The following CRB2 variants were observed in gnomAD, a reference collection of about 807,000 sequenced individuals.
The protein encoded by CRB2 is crumbs cell polarity complex component 2.
Under a neutral mutation model 110.9 loss-of-function variants are expected in CRB2, and 85 were observed. The ratio of observed to expected loss-of-function variants is 0.77; its 90% CI spans 0.64 to 0.92. The LOEUF (loss-of-function observed/expected upper bound fraction) is 0.92. Ranked by LOEUF, CRB2 falls within the 40% of genes least tolerant of loss-of-function variation. CRB2 has a pLI of 0.00. For synonymous variants in CRB2, 907 were observed against 831.0 expected (o/e 1.09, Z -1.57); for missense variants, 1,843 against 1,851.3 (o/e 1.00, Z 0.08).
Position 123,365,779 on chromosome 9 carries a change from C to A in CRB2, c.419-138C>A, listed in dbSNP as rs571364390. 1,866 of 794,684 alleles carry A rather than the reference C, an allele frequency of 2.3e-3. 11 individuals are homozygous for A. Among genetic ancestry groups the A allele is most frequent in the Middle Eastern group, 0.019 (57 of 3,022 alleles). The allele number at this position is 794,684 out of a possible 1,614,324, so 49.2% of individuals were successfully genotyped here. On this transcript the variant is annotated intron_variant, in intron 2 of 12. Coordinates refer to ENST00000373631, the MANE Select transcript of CRB2 (RefSeq NM_173689.7). ...TTGCTGGCATGACCCGTCCCCCACC[C>A]CCCAACCACCACCACCACCATCCGG... is the stretch of plus-strand genomic sequence containing the variant.
rs770830556 is a variant in CRB2, at chr9:123,373,417, C to T, written c.2886C>T (p.Ala962=). 5 of 1,448,034 alleles carry T rather than the reference C, an allele frequency of 3.5e-6. No homozygotes were observed. Among genetic ancestry groups the T allele is most frequent in the East Asian group, 3.1e-5 (1 of 32,430 alleles). 89.7% of individuals were successfully genotyped at this position (1,448,034 alleles called of 1,614,324 possible). The change falls in exon 10 of 13, where the codon GCC becomes GCT. Residue 962 remains alanine (A), a synonymous_variant. Coordinates refer to ENST00000373631, the MANE Select transcript of CRB2 (RefSeq NM_173689.7). ...GTGCCTGGCACCGCGTGCGTCTGGC[C>T]ATGGAGCGCCCGGCGGCCACCACCT... ...ADGAWHRVRL[A]MERPAATTSR... is the part of the protein sequence containing the mutation.
chr9:123,354,953 G>A (rs890648907), upstream of CRB2, among the ~76,000 whole-genome samples: 1 of 152,192 alleles, frequency 6.6e-6, no homozygotes, highest in Non-Finnish European at 1.5e-5. Flanking sequence ...CTCCCTCAAT[G>A]GCTCCTGCTG....
At chr9:123,361,688 G>GC (rs1294551501) in intron 1 of CRB2, among the ~76,000 whole-genome samples, 2 of 152,182 alleles carry the variant, frequency 1.3e-5, no homozygotes, top group African/African-American at 4.8e-5. Flanking sequence ...ACCAAAAGCA[G>GC]CCCTTGACTG....
At chr9:123,375,640 A>G (rs1013844439) in intron 12 of CRB2, among the ~76,000 whole-genome samples, 11 of 152,154 alleles carry the variant, frequency 7.2e-5, no homozygotes, top group African/African-American at 2.4e-4. Context: ...GTCTCTGCCA[A>G]TCCAACCAGG....
chr9:123,374,826 T>C, intron 11 of CRB2, 131 bp downstream of exon 11: 1 of 647,338 alleles, frequency 1.5e-6, no homozygotes, highest in Non-Finnish European at 2.7e-6. Context: ...CATTGTCACT[T>C]GAGTTTCCTT....
intron 1 of CRB2, among the ~76,000 whole-genome samples, chr9:123,362,375 C>A (rs533894356): frequency 1.3e-5 from 2 of 152,106 alleles, no homozygotes; most frequent in East Asian, 1.9e-4. Flanking sequence ...AGGAGGGAGA[C>A]CCCTCCCCAG....
downstream of CRB2, chr9:123,379,624 C>T (rs1299852009): frequency 2.0e-5 from 3 of 152,276 alleles, no homozygotes; most frequent in Non-Finnish European, 4.4e-5. Flanking sequence ...CCTCCCCGAC[C>T]CAAAAGCTTC....
chr9:123,371,072 A>G lies in CRB2; in HGVS notation c.1930A>G (p.Ile644Val), dbSNP rs1432459587. 1.2e-6 allele frequency: 2 copies of G among 1,611,660 alleles called. No homozygotes were observed. The highest frequency in any genetic ancestry group is 2.2e-5 in the East Asian group (1 of 44,846). Residue 644 changes from isoleucine to valine, a missense_variant and splice_region_variant, in exon 8 of 13, where the codon ATT (isoleucine) becomes GTT (valine). By Grantham distance (29) the Ile-to-Val change is conservative (BLOSUM62 3). Transcript: ENST00000373631. ...PHRGPTCADE[I>V]PAATFGLGGA... Reference sequence around the variant, plus strand: ...CCTGGCACCTTCTCTCCCTGCAGAGATTCCTGCTGCCACCTTTGGCTTGGG... The same window carrying G: ...CCTGGCACCTTCTCTCCCTGCAGAGGTTCCTGCTGCCACCTTTGGCTTGGG...
upstream of CRB2, among the ~76,000 whole-genome samples, chr9:123,354,251 C>A (rs545614388): frequency 2.6e-5 from 4 of 152,222 alleles, no homozygotes; most frequent in African/African-American, 9.6e-5. Context: ...TGGAGTGTGG[C>A]GGCTGCAGGA....
In CRB2 at chr9:123,370,431, G is replaced by A. The variant is rs2041997123; in HGVS notation, c.1378G>A (p.Gly460Ser). ...ATCAGTGCCAGCTGGTGGCCCCCTG[G>A]GTCTGGCACTGAGGTTTCGCACCAC... ...QASVPAGGPLGLALRFRTTLP... is the reference protein window; with the variant it reads ...QASVPAGGPLSLALRFRTTLP... The change falls in exon 7 of 13, where the codon GGT becomes AGT. Residue 460 changes from glycine (G) to serine (S), a missense_variant. Gly to Ser is a moderately conservative substitution (Grantham distance 56). Coordinates refer to ENST00000373631, the MANE Select transcript of CRB2 (RefSeq NM_173689.7). The A allele has an allele frequency of 5.0e-6, 8 of 1,613,524 alleles. No individual in the cohort carries two copies. Among genetic ancestry groups the A allele is most frequent in the Non-Finnish European group, 6.8e-6 (8 of 1,180,030 alleles).
chr9:123,367,025 C>T (rs117556854), intron 4 of CRB2, 147 bp from the exon 5 acceptor site: 53 of 720,336 alleles, frequency 7.4e-5, no homozygotes, highest in Non-Finnish European at 1.0e-4. Flanking sequence ...CGTGGTCATT[C>T]CTGCGGCCCT....
Position 123,376,917 on chromosome 9 carries a change from T to G in CRB2, c.3713T>G (p.Leu1238Arg). 2.5e-6 allele frequency: 4 copies of G among 1,608,594 alleles called. No individual in the cohort carries two copies. Among genetic ancestry groups the G allele is most frequent in the Non-Finnish European group, 3.4e-6 (4 of 1,178,664 alleles). The change falls in exon 13 of 13, where the codon CTC (leucine) becomes CGC (arginine). Residue 1238 changes from leucine to arginine, a missense_variant. Physicochemically the swap from Leu to Arg is moderately radical, Grantham distance 102. Transcript: ENST00000373631. ...GCCTGTGCCTGCCTCCTCCTCCTCC[T>G]CCTGGGCCTCCTTTCAGGGATCCTG... Reference protein sequence around the residue: ...PAACACLLLLLLGLLSGILAA... With the variant: ...PAACACLLLLRLGLLSGILAA...
chr9:123,365,157 G>T (rs922718039), intron 2 of CRB2, among the ~76,000 whole-genome samples: 3 of 152,168 alleles, frequency 2.0e-5, no homozygotes, highest in African/African-American at 7.2e-5. Context: ...CAGCTACTCT[G>T]CAATCTGAGG....
Position 123,373,934 on chromosome 9 carries a change from G to A in CRB2, c.3389+14G>A. The A allele has an allele frequency of 1.9e-6, 3 of 1,549,466 alleles. No homozygotes were observed. Among genetic ancestry groups the A allele is most frequent in the Non-Finnish European group, 2.6e-6 (3 of 1,146,828 alleles). On this transcript the variant is annotated intron_variant, in intron 10 of 12. Coordinates refer to ENST00000373631, the MANE Select transcript of CRB2 (RefSeq NM_173689.7). ...CCCGCGCTGCAGGTGGGATGGCTGG[G>A]CAGGGGGGTGGGCTGCGAATGCCCC...
In CRB2 at chr9:123,378,473, G is replaced by T; in HGVS notation, c.*1411G>T. 6.6e-6 allele frequency: 1 copy of T among 152,442 alleles called. No individual in the cohort carries two copies. The allele number at this position is 152,442 out of a possible 1,614,324, so 9.4% of individuals were successfully genotyped here. A position where few individuals can be genotyped will look rare whatever the true frequency, so the allele number is the denominator to read the frequency against. ...GAGGCATGGGTGTCCAGTCCAATGT[G>T]GGGAGCCACGTGACAACGTGGGGGA... On this transcript the variant is annotated 3_prime_UTR_variant, in exon 13 of 13. Coordinates refer to ENST00000373631, the MANE Select transcript of CRB2 (RefSeq NM_173689.7).
In CRB2 at chr9:123,363,101, G is replaced by A. The variant is rs1415363536; in HGVS notation, c.331G>A (p.Glu111Lys). The A allele has an allele frequency of 1.2e-6, 2 of 1,611,374 alleles. No homozygotes were observed. Among genetic ancestry groups the A allele is most frequent in the Non-Finnish European group, 1.7e-6 (2 of 1,179,958 alleles). ...QGPRCELDID[E>K]CASRPCHHGA... ...CCCACGCTGCGAGCTGGACATCGAT[G>A]AGTGTGCATCCCGGCCGTGCCACCA... is the stretch of plus-strand genomic sequence containing the variant. Residue 111 changes from glutamate to lysine, a missense_variant, in exon 2 of 13, where the codon GAG (glutamate) becomes AAG (lysine). Coordinates refer to ENST00000373631, the MANE Select transcript of CRB2 (RefSeq NM_173689.7).
In CRB2 at chr9:123,373,906, G is replaced by C; in HGVS notation, c.3375G>C (p.Gly1125=). 1 of 1,549,112 alleles carries C rather than the reference G, an allele frequency of 6.5e-7. No individual in the cohort carries two copies. Among genetic ancestry groups the C allele is most frequent in the Non-Finnish European group, 8.7e-7 (1 of 1,148,070 alleles). The change falls in exon 10 of 13, where the codon GGG becomes GGC. Residue 1125 remains glycine, a synonymous_variant. Coordinates refer to ENST00000373631, the MANE Select transcript of CRB2 (RefSeq NM_173689.7). ...AGTGCCGCTGCCCGCCTGGCTTCGGGGGCCCGCGCTGCAGGTGGGATGGCT... is the reference window on the plus strand; with the variant it reads ...AGTGCCGCTGCCCGCCTGGCTTCGGCGGCCCGCGCTGCAGGTGGGATGGCT... ...RFECRCPPGF[G]GPRCRLPVPS...
chr9:123,375,533 T>C (rs933947068), intron 12 of CRB2, among the ~76,000 whole-genome samples, 190 bp downstream of exon 12: 1 of 152,016 alleles, frequency 6.6e-6, no homozygotes, highest in African/African-American at 2.4e-5. Context: ...AGGGAGAGCT[T>C]TGGGGGCTGT....
intron 11 of CRB2, 130 bp downstream of exon 11, chr9:123,374,825 T>C (rs1038867197): frequency 1.2e-5 from 8 of 647,010 alleles, no homozygotes; most frequent in Non-Finnish European, 2.1e-5. Flanking sequence ...CCATTGTCAC[T>C]TGAGTTTCCT....
Sources: gnomAD v4.1 joint callset for allele counts (sites outside exome capture counted in the v4.1 genomes callset) on GRCh38, gnomAD v4.1.1 for gene constraint, MANE v1.5 for transcripts, NCBI Gene and HGNC (gene_info 2026-07-23, HGNC 2026-07-21) for gene names.